Variants in LSAMP observed in about 807,000 individuals in gnomAD.
LSAMP encodes the protein limbic system-associated membrane protein.
LSAMP carries 7 observed loss-of-function variants against 38.6 expected under a neutral mutation model. The ratio of observed to expected loss-of-function variants is 0.18; its 90% CI spans 0.10 to 0.34. The LOEUF (loss-of-function observed/expected upper bound fraction) is 0.34. Ranked by LOEUF, LSAMP falls within the 10% of genes least tolerant of loss-of-function variation. The pLI, the probability that LSAMP is intolerant of heterozygous loss-of-function variation, is 1.00. For missense variants in LSAMP, 313 were observed against 420.0 expected (o/e 0.75, Z 2.23); for synonymous variants, 154 against 166.8 (o/e 0.92, Z 0.59).
chr3:115,897,582 G>A (rs1453108126), intron 3 of LSAMP, among the ~76,000 whole-genome samples: 1 of 152,102 alleles, frequency 6.6e-6, no homozygotes, highest in Non-Finnish European at 1.5e-5. Context: ...ATGCAAAATA[G>A]TAATATCAGG....
At chr3:116,141,527 G>A (rs1352876355) in intron 1 of LSAMP, among the ~76,000 whole-genome samples, 1 of 151,780 alleles carries the variant, frequency 6.6e-6, no homozygotes, top group Admixed American at 6.6e-5. Context: ...CAAATCCCAA[G>A]TTAAATTACA....
chr3:115,849,124 A>G (rs1296757590), intron 4 of LSAMP, among the ~76,000 whole-genome samples: 1 of 152,244 alleles, frequency 6.6e-6, no homozygotes, highest in East Asian at 1.9e-4. Context: ...GGTAAGATAC[A>G]GAAAGCTGAA....
intron 3 of LSAMP, among the ~76,000 whole-genome samples, chr3:115,957,898 T>A (rs2107588696): frequency 6.6e-6 from 1 of 152,224 alleles, no homozygotes; most frequent in South Asian, 2.1e-4. Flanking sequence ...CCACCTCTAT[T>A]TTTTATCCAA....
At chr3:116,154,428 T>A (rs1027151945) in intron 1 of LSAMP, among the ~76,000 whole-genome samples, 1 of 152,128 alleles carries the variant, frequency 6.6e-6, no homozygotes, top group Admixed American at 6.6e-5. Context: ...TGAAAATCCA[T>A]TCTCCACAAT....
At chr3:116,040,005 A>G (rs922065176) in intron 2 of LSAMP, among the ~76,000 whole-genome samples, 1 of 151,918 alleles carries the variant, frequency 6.6e-6, no homozygotes, top group Admixed American at 6.5e-5. Context: ...GGGGGGGGAA[A>G]AAAACTGGTC....
intron 1 of LSAMP, among the ~76,000 whole-genome samples, chr3:116,174,348 GTAA>G (rs1710282740): frequency 6.6e-6 from 1 of 152,000 alleles, no homozygotes; most frequent in South Asian, 2.1e-4. Flanking sequence ...CCGCCATAGG[GTAA>G]TAAGTAATAG....
intron 2 of LSAMP, among the ~76,000 whole-genome samples, chr3:116,023,024 A>C (rs1445599335): frequency 6.6e-6 from 1 of 152,128 alleles, no homozygotes; most frequent in Non-Finnish European, 1.5e-5. Context: ...CTCATAAAAA[A>C]TTGATCCTCA....
chr3:116,376,444 A>G (rs144797914), intron 1 of LSAMP, among the ~76,000 whole-genome samples: 10 of 152,172 alleles, frequency 6.6e-5, no homozygotes, highest in Non-Finnish European at 1.0e-4. Flanking sequence ...AAAACCTCTT[A>G]TATCAGGAGA....
intron 3 of LSAMP, among the ~76,000 whole-genome samples, chr3:115,972,296 G>T (rs1023951174): frequency 4.6e-5 from 7 of 151,954 alleles, no homozygotes; most frequent in Non-Finnish European, 8.8e-5. Context: ...TAAATTATCT[G>T]CTTCTAAAAA....
At chr3:116,273,713 C>CAT (rs1371820696) in intron 1 of LSAMP, among the ~76,000 whole-genome samples, 5 of 49,470 alleles carry the variant, frequency 1.0e-4, no homozygotes, top group African/African-American at 5.2e-4. Context: ...TATATACACA[C>CAT]ACACACACAC....
chr3:116,178,527 T>C (rs1168856811), intron 1 of LSAMP, among the ~76,000 whole-genome samples: 1 of 152,136 alleles, frequency 6.6e-6, no homozygotes, highest in Non-Finnish European at 1.5e-5. Context: ...ATCTAAGCCT[T>C]AGTACCTAAA....
intron 3 of LSAMP, among the ~76,000 whole-genome samples, chr3:115,938,837 T>C (rs75106544): frequency 2.8e-3 from 423 of 152,328 alleles, no homozygotes; most frequent in Non-Finnish European, 4.2e-3. Context: ...AGTGCATTTT[T>C]TGTTTACATA....
At chr3:116,331,214 A>C (rs896935706) in intron 1 of LSAMP, among the ~76,000 whole-genome samples, 2 of 152,204 alleles carry the variant, frequency 1.3e-5, no homozygotes, top group Admixed American at 1.3e-4. Context: ...CTGAGGAATA[A>C]AGCAAATAAG....
intron 1 of LSAMP, among the ~76,000 whole-genome samples, chr3:116,377,171 A>G (rs1311679641): frequency 6.6e-6 from 1 of 151,886 alleles, no homozygotes; most frequent in African/African-American, 2.4e-5. Flanking sequence ...CTATCAACCC[A>G]TTACCTAGGT....
intron 3 of LSAMP, among the ~76,000 whole-genome samples, chr3:116,017,577 T>G (rs1269598727): frequency 6.6e-6 from 1 of 152,100 alleles, no homozygotes; most frequent in Non-Finnish European, 1.5e-5. Flanking sequence ...CAATTTTTAA[T>G]GTGTAATTTA....
chr3:115,907,569 C>T (rs1317930279), intron 3 of LSAMP, among the ~76,000 whole-genome samples: 3 of 152,106 alleles, frequency 2.0e-5, no homozygotes, highest in African/African-American at 7.2e-5. Flanking sequence ...GTACCCTACA[C>T]AGACTAAGAT....
chr3:115,861,062 C>CCTCCCTCT (rs1935664051), intron 3 of LSAMP, among the ~76,000 whole-genome samples: 1 of 61,034 alleles, frequency 1.6e-5, no homozygotes, highest in Non-Finnish European at 3.5e-5. Flanking sequence ...CCCCTCCCTC[C>CCTCCCTCT]CTCCCTCTCT....
rs543962471 is a variant in LSAMP, at chr3:115,947,062, C to G, written c.514+72453G>C. Among the ~76,000 whole-genome samples the G allele has an allele frequency of 1.4e-4, 22 of 152,070 alleles. No homozygotes were observed. In the East Asian group the frequency reaches 4.1e-3, roughly 28 times the overall value. ...ATAAGAAAGACAATATGATTTTTCT[C>G]TACAGATGCAAAATAAGGATTTATT... On this transcript the variant is annotated intron_variant, in intron 3 of 6. Transcript: ENST00000490035.
At chr3:115,977,879 T>C (rs751290095) in intron 3 of LSAMP, among the ~76,000 whole-genome samples, 1 of 152,218 alleles carries the variant, frequency 6.6e-6, no homozygotes, top group Non-Finnish European at 1.5e-5. Context: ...ATAGTCTTTA[T>C]GGCACTGAAG....
Sources: gnomAD v4.1 joint callset for allele counts (sites outside exome capture counted in the v4.1 genomes callset) on GRCh38, gnomAD v4.1.1 for gene constraint, MANE v1.5 for transcripts, NCBI Gene and HGNC (gene_info 2026-07-23, HGNC 2026-07-21) for gene names.